The following RFX7 variants were observed in gnomAD, a reference collection of about 807,000 sequenced individuals.
RFX7 encodes DNA-binding protein RFX7.
In RFX7, 26 loss-of-function variants were observed where a neutral mutation model predicts 111.8. That is an observed-to-expected ratio of 0.23 (90% CI 0.17 to 0.32). The LOEUF (loss-of-function observed/expected upper bound fraction) is 0.32. RFX7 is among the 10% of genes least tolerant of loss of function. The probability of loss-of-function intolerance (pLI) is 1.00; values close to 1 mark genes in which losing one functional copy is unlikely to be tolerated. For missense variants in RFX7, 1,573 were observed against 1,772.9 expected (o/e 0.89, Z 2.02); for synonymous variants, 624 against 624.4 (o/e 1.00, Z 0.01).
chr15:56,221,147 A>G (rs533507300), intron 2 of RFX7, among the ~76,000 whole-genome samples: 1 of 152,248 alleles, frequency 6.6e-6, no homozygotes, highest in Non-Finnish European at 1.5e-5. Context: ...TTTGCTTAGG[A>G]TTGCCTTGGC....
At chr15:56,135,496 T>C (rs2042287585) in intron 5 of RFX7, among the ~76,000 whole-genome samples, 1 of 152,010 alleles carries the variant, frequency 6.6e-6, no homozygotes. Context: ...TTTGAGTTCA[T>C]TGTAGATTCT....
intron 2 of RFX7, among the ~76,000 whole-genome samples, chr15:56,233,136 C>A (rs1253873972): frequency 6.6e-6 from 1 of 152,138 alleles, no homozygotes; most frequent in Non-Finnish European, 1.5e-5. Context: ...ATACCCGAGA[C>A]TGGGTAATTT....
chr15:56,121,987 A>C (rs1269840876), intron 5 of RFX7, among the ~76,000 whole-genome samples: 1 of 152,180 alleles, frequency 6.6e-6, no homozygotes, highest in Non-Finnish European at 1.5e-5. Flanking sequence ...TTGAAAGGTC[A>C]CATATCTCTG....
intron 3 of RFX7, among the ~76,000 whole-genome samples, chr15:56,174,790 A>G (rs2042885327): frequency 6.6e-6 from 1 of 152,176 alleles, no homozygotes; most frequent in South Asian, 2.1e-4. Context: ...TTTAAAAAAA[A>G]AACTCTTAGC....
intron 2 of RFX7, among the ~76,000 whole-genome samples, chr15:56,201,454 G>A (rs1446265104): frequency 6.6e-6 from 1 of 152,296 alleles, no homozygotes; most frequent in East Asian, 1.9e-4. Context: ...AAAGGAGAAG[G>A]CTATCTAAGG....
chr15:56,104,850 T>C (rs1227850652), intron 5 of RFX7, among the ~76,000 whole-genome samples: 1 of 152,150 alleles, frequency 6.6e-6, no homozygotes, highest in Non-Finnish European at 1.5e-5. Flanking sequence ...CCAACAATGC[T>C]ACGAGCAGAA....
intron 5 of RFX7, among the ~76,000 whole-genome samples, chr15:56,112,672 AAGAGCTG>A (rs375558828): frequency 3.9e-5 from 6 of 152,220 alleles, no homozygotes; most frequent in African/African-American, 1.4e-4. Flanking sequence ...AGTTAAACTA[AAGAGCTG>A]CACAGCAAAA....
At chr15:56,147,783 G>A (rs907701985) in intron 3 of RFX7, among the ~76,000 whole-genome samples, 5 of 152,146 alleles carry the variant, frequency 3.3e-5, no homozygotes, top group Admixed American at 2.6e-4. Context: ...CCGTGTTAGC[G>A]AGGATGGTCT....
At chr15:56,102,627 A>T (rs1261709412) in intron 6 of RFX7, among the ~76,000 whole-genome samples, 3 of 152,226 alleles carry the variant, frequency 2.0e-5, no homozygotes, top group African/African-American at 7.2e-5. Flanking sequence ...GCTCTGGGAC[A>T]AAAACAACTC....
rs138776360 is a variant in RFX7, at chr15:56,097,193, A to T, written c.1108-573T>A. 5.6e-4 allele frequency among the ~76,000 whole-genome samples: 85 copies of T among 152,324 alleles called. 1 individual carries two copies. The East Asian group carries it at 0.015, about 27-fold the overall frequency. On this transcript the variant is annotated intron_variant, in intron 9 of 9. Transcript: ENST00000559447. ...GACAAAATACTTCCTAAATATTATT[A>T]TCAATAATAACATAAAGCACCAACT...
chr15:56,111,661 C>CAAAAAAAAAAAAAAAAAAACAA (rs2041934695), intron 5 of RFX7, among the ~76,000 whole-genome samples: 19 of 95,540 alleles, frequency 2.0e-4, no homozygotes, highest in Non-Finnish European at 2.4e-4. Flanking sequence ...ATAAATAAAC[C>CAAAAAAAAAAAAAAAAAAACAA]AAAAAAAAAA....
At chr15:56,112,700 T>C (rs568065681) in intron 5 of RFX7, among the ~76,000 whole-genome samples, 9 of 152,164 alleles carry the variant, frequency 5.9e-5, no homozygotes, top group Admixed American at 2.0e-4. Flanking sequence ...GAAACTATCA[T>C]CAGAGCGAAC....
chr15:56,156,673 C>T (rs796352296), intron 3 of RFX7, among the ~76,000 whole-genome samples: 24 of 150,934 alleles, frequency 1.6e-4, no homozygotes, highest in African/African-American at 5.2e-4. Flanking sequence ...AAAACTTATA[C>T]CAATTTATGT....
chr15:56,134,112 T>G (rs1000936197), intron 5 of RFX7, among the ~76,000 whole-genome samples: 1 of 152,184 alleles, frequency 6.6e-6, no homozygotes, highest in African/African-American at 2.4e-5. Flanking sequence ...TTTAACACGC[T>G]TACCTTCTTA....
chr15:56,121,622 ATC>A (rs1347445197), intron 5 of RFX7, among the ~76,000 whole-genome samples: 4 of 152,122 alleles, frequency 2.6e-5, no homozygotes, highest in Admixed American at 2.0e-4. Context: ...TTCTATTCCT[ATC>A]TCTCTGTCTA....
chr15:56,229,181 A>G (rs540593655), intron 2 of RFX7, among the ~76,000 whole-genome samples: 2 of 152,170 alleles, frequency 1.3e-5, no homozygotes, highest in Admixed American at 1.3e-4. Context: ...AGTAACTGAA[A>G]CTTCAGAAAG....
At chr15:56,118,742 C>G (rs1208374321) in intron 5 of RFX7, among the ~76,000 whole-genome samples, 2 of 152,154 alleles carry the variant, frequency 1.3e-5, no homozygotes, top group African/African-American at 4.8e-5. Flanking sequence ...TATGGTAGCT[C>G]TATTTTTAGT....
At chr15:56,195,380 G>A (rs1029892679) in intron 2 of RFX7, among the ~76,000 whole-genome samples, 19 of 152,084 alleles carry the variant, frequency 1.2e-4, no homozygotes, top group Non-Finnish European at 2.8e-4. Context: ...TACACTTTAT[G>A]TGGTTAATTT....
At chr15:56,143,011 C>T in intron 4 of RFX7, 111 bp from the exon 5 acceptor site, 1 of 1,149,888 alleles carries the variant, frequency 8.7e-7, no homozygotes, top group Non-Finnish European at 1.2e-6. Context: ...CTATCAACGA[C>T]CAAACCAAAC....
Sources: allele counts gnomAD v4.1 joint callset (sites outside exome capture counted in the v4.1 genomes callset), GRCh38; gene constraint gnomAD v4.1.1; transcripts MANE v1.5; gene names NCBI Gene and HGNC (gene_info 2026-07-23, HGNC 2026-07-21).